ANO10: variants seen among roughly 807,000 people sequenced by gnomAD.
The protein encoded by ANO10 is anoctamin-10.
Under a neutral mutation model 74.7 loss-of-function variants are expected in ANO10, and 77 were observed. The observed-to-expected ratio is 1.03, with a 90% CI of 0.86 to 1.25. The LOEUF (loss-of-function observed/expected upper bound fraction) is 1.25, where lower values mean the gene tolerates loss of function less well. Among genes scored for constraint, ANO10 ranks in the 50% most tolerant of loss-of-function variants. The pLI is 0.00. For synonymous variants in ANO10, 279 were observed against 284.9 expected (o/e 0.98, Z 0.21); for missense variants, 721 against 778.1 (o/e 0.93, Z 0.87).
intron 12 of ANO10, among the ~76,000 whole-genome samples, chr3:43,410,520 TA>T (rs2092648245): frequency 6.6e-6 from 1 of 152,220 alleles, no homozygotes; most frequent in Admixed American, 6.5e-5. Flanking sequence ...AAGGCAATAC[TA>T]TTTGAATTTA....
chr3:43,546,979 C>T (rs1385897920), intron 11 of ANO10, among the ~76,000 whole-genome samples: 9 of 152,030 alleles, frequency 5.9e-5, no homozygotes, highest in African/African-American at 2.2e-4. Flanking sequence ...CAAAAAGCTA[C>T]ACTAAGGCCC....
At chr3:43,400,775 C>A (rs2092466709) in intron 12 of ANO10, among the ~76,000 whole-genome samples, 1 of 151,906 alleles carries the variant, frequency 6.6e-6, no homozygotes, top group South Asian at 2.1e-4. Context: ...GACCCTGTCT[C>A]AAAATAATAA....
chr3:43,554,601 G>A (rs1411530158), intron 10 of ANO10, among the ~76,000 whole-genome samples: 2 of 152,144 alleles, frequency 1.3e-5, no homozygotes, highest in Non-Finnish European at 2.9e-5. Context: ...ATTCCAGCAA[G>A]GGAAGAGGGG....
intron 11 of ANO10, among the ~76,000 whole-genome samples, chr3:43,466,723 A>G (rs1184401263): frequency 6.6e-6 from 1 of 152,190 alleles, no homozygotes; most frequent in Non-Finnish European, 1.5e-5. Flanking sequence ...CAAGACATAA[A>G]AAAGCAATAA....
At chr3:43,424,860 T>C (rs972015932) in intron 12 of ANO10, 1 of 152,086 alleles carries the variant, frequency 6.6e-6, no homozygotes, top group African/African-American at 2.4e-5. Context: ...ACCCTTTGGG[T>C]GGTGACAGGG....
At chr3:43,477,598 T>A (rs1044652613) in intron 11 of ANO10, among the ~76,000 whole-genome samples, 1 of 152,230 alleles carries the variant, frequency 6.6e-6, no homozygotes, top group Non-Finnish European at 1.5e-5. Context: ...TAATGCTTCC[T>A]TGGATCCTGG....
chr3:43,478,570 AGTG>A (rs1262683366), intron 11 of ANO10, among the ~76,000 whole-genome samples: 1 of 152,202 alleles, frequency 6.6e-6, no homozygotes, highest in East Asian at 1.9e-4. Flanking sequence ...TCAGAAAAAT[AGTG>A]GCTCTGTCTA....
intron 10 of ANO10, among the ~76,000 whole-genome samples, chr3:43,551,793 A>C (rs1488428450): frequency 1.3e-5 from 2 of 151,922 alleles, no homozygotes; most frequent in East Asian, 3.9e-4. Context: ...ATCTTTTTCT[A>C]TTCTTTTACT....
intron 11 of ANO10, among the ~76,000 whole-genome samples, chr3:43,453,567 TTTC>T (rs1403187720): frequency 2.0e-5 from 3 of 152,218 alleles, no homozygotes; most frequent in East Asian, 3.8e-4. Flanking sequence ...TACATCCTTG[TTTC>T]TTCTTAAGAG....
At chr3:43,469,227 T>TA (rs1443046032) in intron 11 of ANO10, among the ~76,000 whole-genome samples, 1 of 150,080 alleles carries the variant, frequency 6.7e-6, no homozygotes, top group Non-Finnish European at 1.5e-5. Flanking sequence ...TTTGTATCTT[T>TA]AGTAGACATG....
At chr3:43,568,512 G>C (rs1362274576) in intron 7 of ANO10, among the ~76,000 whole-genome samples, 3 of 149,892 alleles carry the variant, frequency 2.0e-5, no homozygotes, top group Non-Finnish European at 4.5e-5. Flanking sequence ...AATCAAACTA[G>C]AACTCAGGAT....
chr3:43,476,960 T>G (rs1366070823), intron 11 of ANO10, among the ~76,000 whole-genome samples: 2 of 147,630 alleles, frequency 1.4e-5, no homozygotes, highest in African/African-American at 4.9e-5. Context: ...GATACAAGAG[T>G]TTTTTTTTCT....
At chr3:43,477,008 ATGTG>A (rs754894693) in intron 11 of ANO10, among the ~76,000 whole-genome samples, 1 of 152,220 alleles carries the variant, frequency 6.6e-6, no homozygotes, top group Non-Finnish European at 1.5e-5. Context: ...TGAGAAAGTA[ATGTG>A]TATACATAGT....
chr3:43,419,405 T>A (rs1286711710), intron 12 of ANO10, among the ~76,000 whole-genome samples: 1 of 152,218 alleles, frequency 6.6e-6, no homozygotes, highest in Non-Finnish European at 1.5e-5. Flanking sequence ...AAGTCAGAAT[T>A]CCTAAAAAGA....
intron 11 of ANO10, among the ~76,000 whole-genome samples, chr3:43,470,878 C>T (rs781450768): frequency 2.7e-4 from 41 of 152,108 alleles, no homozygotes; most frequent in Non-Finnish European, 5.1e-4. Context: ...CCACCTGCCT[C>T]TGATTCCCAA....
intron 1 of ANO10, among the ~76,000 whole-genome samples, chr3:43,614,801 A>ATATATATATATATG (rs61457264): frequency 0.075 from 7,416 of 98,762 alleles, 1,163 homozygotes; most frequent in East Asian, 0.14. Context: ...ATATATATAT[A>ATATATATATATATG]TAGGTTCATT....
At chr3:43,534,127 G>A (rs1355248192) in intron 11 of ANO10, among the ~76,000 whole-genome samples, 1 of 152,068 alleles carries the variant, frequency 6.6e-6, no homozygotes, top group Non-Finnish European at 1.5e-5. Context: ...TCATGTAAAT[G>A]CATTATTACC....
Position 43,651,608 on chromosome 3 carries a change from G to A in ANO10, c.-12+39909C>T, listed in dbSNP as rs1049275566. Reference sequence around the variant, plus strand: ...GGAAAAGATGATGAATTCCTTAAGAGCAGAATTTTTCTCTTATTTAGCCTT... The same window carrying A: ...GGAAAAGATGATGAATTCCTTAAGAACAGAATTTTTCTCTTATTTAGCCTT... On this transcript the variant is annotated intron_variant, in intron 1 of 3. Coordinates refer to the ANO10 transcript ENST00000413397. Among the ~76,000 whole-genome samples, 5 of 152,304 alleles carry A rather than the reference G, an allele frequency of 3.3e-5. No homozygotes were observed. In the East Asian group the frequency reaches 9.6e-4, roughly 29 times the overall value.
chr3:43,469,020 T>C (rs1007138640), intron 11 of ANO10, among the ~76,000 whole-genome samples: 68 of 133,434 alleles, frequency 5.1e-4, no homozygotes, highest in Non-Finnish European at 7.4e-4. Flanking sequence ...GGATTTTCAA[T>C]CCTACATCAA....
Sources: allele counts gnomAD v4.1 joint callset (sites outside exome capture counted in the v4.1 genomes callset), GRCh38; gene constraint gnomAD v4.1.1; transcripts MANE v1.5; gene names NCBI Gene and HGNC (gene_info 2026-07-23, HGNC 2026-07-21).